The following ARL9 variants were observed in gnomAD, a reference collection of about 807,000 sequenced individuals.
ARL9 encodes ARF like GTPase 9.
ARL9 carries 14 observed loss-of-function variants against 27.0 expected under a neutral mutation model. The ratio of observed to expected loss-of-function variants is 0.52; its 90% CI spans 0.34 to 0.81. ARL9 has a LOEUF of 0.81. ARL9 is among the 30% of genes least tolerant of loss of function. The pLI, the probability that ARL9 is intolerant of heterozygous loss-of-function variation, is 0.01. For missense variants in ARL9, 294 were observed against 290.0 expected (o/e 1.01, Z -0.10); for synonymous variants, 106 against 108.7 (o/e 0.98, Z 0.15).
chr4:56,518,734 C>A lies in ARL9; in HGVS notation c.499C>A (p.Leu167Met), dbSNP rs1172348072. 6.2e-7 allele frequency: 1 copy of A among 1,613,972 alleles called. No individual in the cohort carries two copies. Among genetic ancestry groups the A allele is most frequent in the South Asian group, 1.1e-5 (1 of 91,076 alleles). Residue 167 changes from leucine (L) to methionine (M), a missense_variant, in exon 3 of 4, where the codon CTG becomes ATG. Coordinates refer to ENST00000640821, the MANE Select transcript of ARL9 (RefSeq NM_001363794.2). ...GGAAATGTACCTATCCAAGGGATTGCTGCTGATCTTTGTGGTGGATTCAGC... is the reference window on the plus strand; with the variant it reads ...GGAAATGTACCTATCCAAGGGATTGATGCTGATCTTTGTGGTGGATTCAGC... ...YWEMYLSKGL[L>M]LIFVVDSADH... is the part of the protein sequence containing the mutation.
At chr4:56,511,423 T>C in intron 2 of ARL9, 76 bp downstream of exon 2, 2 of 1,407,882 alleles carry the variant, frequency 1.4e-6, no homozygotes, top group Non-Finnish European at 1.9e-6. Context: ...TTAGCAACAT[T>C]GAGTCCTTGT....
chr4:56,521,217 CAAAA>C lies in ARL9; in HGVS notation c.618+2377_618+2380del, dbSNP rs57537197. ...CAGAGTGACACTCCGCCCCAAAAAACAAAAAAAAAAAAAAAAGAGAGAGGCTGAT... is the reference window on the plus strand; with the variant it reads ...CAGAGTGACACTCCGCCCCAAAAAACAAAAAAAAAAAAGAGAGAGGCTGAT... On this transcript the variant is annotated intron_variant, in intron 3 of 3. Coordinates refer to ENST00000640821, the MANE Select transcript of ARL9 (RefSeq NM_001363794.2). Among the ~76,000 whole-genome samples, 129 of 94,908 alleles carry C rather than the reference CAAAA, an allele frequency of 1.4e-3. 2 individuals are homozygous for C. The East Asian group carries it at 0.029, about 21-fold the overall frequency. 62.3% of individuals were successfully genotyped at this position (94,908 alleles called of 152,430 possible).
intron 2 of ARL9, among the ~76,000 whole-genome samples, chr4:56,515,226 C>A (rs1165218841): frequency 6.6e-6 from 1 of 150,526 alleles, no homozygotes; most frequent in African/African-American, 2.5e-5. Flanking sequence ...TGCACTCCAT[C>A]CAGTCTGGAT....
chr4:56,522,915 A>AT (rs1294674079), intron 3 of ARL9, among the ~76,000 whole-genome samples: 1 of 152,120 alleles, frequency 6.6e-6, no homozygotes, highest in Non-Finnish European at 1.5e-5. Context: ...TTGGTTGAGG[A>AT]TTTTTTTGTT....
intron 2 of ARL9, among the ~76,000 whole-genome samples, chr4:56,512,614 A>G (rs865865770): frequency 1.8e-4 from 26 of 147,760 alleles, no homozygotes; most frequent in African/African-American, 6.0e-4. Flanking sequence ...ATCTCAGCTC[A>G]CTGCAACCTC....
intron 3 of ARL9, 86 bp from the exon 4 acceptor site, chr4:56,523,611 C>G: frequency 1.8e-6 from 2 of 1,090,864 alleles, no homozygotes; most frequent in Non-Finnish European, 2.6e-6. Context: ...TCACTGAGAG[C>G]AATAAATAAG....
At chr4:56,506,529 A>AC (rs1463102264) in intron 1 of ARL9, 14 of 623,040 alleles carry the variant, frequency 2.2e-5, no homozygotes, top group East Asian at 2.4e-4. Flanking sequence ...CCCCACACGC[A>AC]GGCCCTCTTT....
At chr4:56,514,301 A>T (rs1238955876) in intron 2 of ARL9, among the ~76,000 whole-genome samples, 2 of 152,254 alleles carry the variant, frequency 1.3e-5, no homozygotes, top group East Asian at 3.8e-4. Flanking sequence ...TAGGTAAAAG[A>T]ACAACAGAAT....
intron 2 of ARL9, among the ~76,000 whole-genome samples, chr4:56,514,161 A>G (rs1721713447): frequency 6.6e-6 from 1 of 152,182 alleles, no homozygotes; most frequent in African/African-American, 2.4e-5. Flanking sequence ...ACAAAGTGAA[A>G]CCGTGTCTCA....
At chr4:56,518,206 G>A (rs140397672) in intron 2 of ARL9, among the ~76,000 whole-genome samples, 229 of 152,046 alleles carry the variant, frequency 1.5e-3, no homozygotes, top group Non-Finnish European at 2.4e-3. Context: ...TCATTTTTTA[G>A]TTTTTATTTT....
chr4:56,513,949 TAC>T (rs1721707078), intron 2 of ARL9, among the ~76,000 whole-genome samples: 1 of 152,108 alleles, frequency 6.6e-6, no homozygotes, highest in Non-Finnish European at 1.5e-5. Flanking sequence ...GCAGGTGGAT[TAC>T]TTGAGTCCAG....
chr4:56,515,300 A>G (rs925396505), intron 2 of ARL9, among the ~76,000 whole-genome samples: 3 of 152,034 alleles, frequency 2.0e-5, no homozygotes, highest in African/African-American at 7.2e-5. Flanking sequence ...GTCATTCACC[A>G]CTTTATCCAT....
At chr4:56,520,116 C>T (rs1721876588) in intron 3 of ARL9, among the ~76,000 whole-genome samples, 1 of 152,080 alleles carries the variant, frequency 6.6e-6, no homozygotes, top group Admixed American at 6.5e-5. Context: ...GATTCTCATG[C>T]CTCAACCTCC....
In ARL9 at chr4:56,523,948, G is replaced by T; in HGVS notation, c.*72G>T. On this transcript the variant is annotated 3_prime_UTR_variant, in exon 4 of 4. Transcript: ENST00000640821. ...GTTGAATGGCAGGCTTGAAGCCAAA[G>T]GTTTCCACCTCAAATAAAAATTAAG... is the stretch of plus-strand genomic sequence containing the variant. 1.4e-6 allele frequency: 2 copies of T among 1,403,516 alleles called. No individual in the cohort carries two copies. Among genetic ancestry groups the T allele is most frequent in the East Asian group, 2.3e-5 (1 of 42,830 alleles). The allele number at this position is 1,403,516 out of a possible 1,614,324, so 86.9% of individuals were successfully genotyped here. A position where few individuals can be genotyped will look rare whatever the true frequency, so the allele number is the denominator to read the frequency against.
intron 1 of ARL9, chr4:56,506,785 G>GTTTT (rs199942666): frequency 6.8e-5 from 17 of 249,462 alleles, no homozygotes; most frequent in Non-Finnish European, 9.3e-5. Context: ...GATTAACACA[G>GTTTT]TTGTGTGTGT....
Position 56,518,783 on chromosome 4 carries a change from C to T in ARL9, c.548C>T (p.Ala183Val), listed in dbSNP as rs573890496. Reference sequence around the variant, plus strand: ...GCAGATCACAGCCGATTACCTGAAGCCAAGAAATACCTTCATCAGCTAATT... The same window carrying T: ...GCAGATCACAGCCGATTACCTGAAGTCAAGAAATACCTTCATCAGCTAATT... The part of the protein sequence containing the change: ...DSADHSRLPE[A>V]KKYLHQLIAA... The change falls in exon 3 of 4, where the codon GCC becomes GTC. Residue 183 changes from alanine to valine, a missense_variant. Transcript: ENST00000640821. The T allele has an allele frequency of 1.2e-6, 2 of 1,613,944 alleles. No homozygotes were observed. Among genetic ancestry groups the T allele is most frequent in the Admixed American group, 1.7e-5 (1 of 60,006 alleles).
At chr4:56,510,673 G>A (rs556581036) in intron 1 of ARL9, among the ~76,000 whole-genome samples, 10 of 152,116 alleles carry the variant, frequency 6.6e-5, no homozygotes, top group African/African-American at 9.7e-5. Flanking sequence ...GATAGAGGAC[G>A]GATGTGAAAT....
In ARL9 at chr4:56,511,024, C is replaced by T. The variant is rs192412206; in HGVS notation, c.280-161C>T. 2.3e-3 allele frequency among the ~76,000 whole-genome samples: 346 copies of T among 152,266 alleles called. 3 individuals carry two copies. Among genetic ancestry groups the T allele is most frequent in the African/African-American group, 8.1e-3 (336 of 41,566 alleles). On this transcript the variant is annotated intron_variant, in intron 1 of 3. Coordinates refer to ENST00000640821, the MANE Select transcript of ARL9 (RefSeq NM_001363794.2). ...CTGACCTCAAGAGATCCTCCTGCCT[C>T]GGCCTCCCAAAGTGCTGGGATTACA...
At position 56,505,983 on chromosome 4, in the gene ARL9, A is replaced by AAG. The variant is rs1227757982; in HGVS notation, c.122_123dup (p.Gln42SerfsTer45). 1 of 1,202,734 alleles carries AAG rather than the reference A, an allele frequency of 8.3e-7. No individual in the cohort carries two copies. Among genetic ancestry groups the AAG allele is most frequent in the Non-Finnish European group, 1.0e-6 (1 of 961,980 alleles). The allele number at this position is 1,202,734 out of a possible 1,614,324, so 74.5% of individuals were successfully genotyped here. On this transcript the variant is annotated frameshift_variant, in exon 1 of 4. Transcript: ENST00000640821. LOFTEE classifies it high-confidence loss of function. ...GGAGGTGGAGCAGAAAATTAAACAA[A>AAG]AGCAAGAGAAGCAGGAGAGGAGAAA...
Sources: allele counts gnomAD v4.1 joint callset (sites outside exome capture counted in the v4.1 genomes callset), GRCh38; gene constraint gnomAD v4.1.1; transcripts MANE v1.5; gene names NCBI Gene and HGNC (gene_info 2026-07-23, HGNC 2026-07-21).